ZNF441: variants seen among roughly 807,000 people sequenced by gnomAD.
The protein encoded by ZNF441 is zinc finger protein 441.
ZNF441 carries 25 observed loss-of-function variants against 64.5 expected under a neutral mutation model. That is an observed-to-expected ratio of 0.39 (90% confidence interval 0.28 to 0.54). The LOEUF (loss-of-function observed/expected upper bound fraction) is 0.54, where lower values mean the gene tolerates loss of function less well. Ranked by LOEUF, ZNF441 falls within the 20% of genes least tolerant of loss-of-function variation. ZNF441 has a pLI of 0.70. For missense variants in ZNF441, 715 were observed against 843.3 expected, an observed-to-expected ratio of 0.85 and a Z score of 1.88; for synonymous variants, 262 against 268.0, an observed-to-expected ratio of 0.98 and a Z score of 0.22.
intron 1 of ZNF441, among the ~76,000 whole-genome samples, chr19:11,774,437 T>A (rs1975339070): frequency 6.6e-6 from 1 of 152,218 alleles, no homozygotes; most frequent in Admixed American, 6.5e-5. Flanking sequence ...GTTGTATCAA[T>A]CATACATTCT....
Position 11,781,121 on chromosome 19 carries a change from T to A in ZNF441, c.1297T>A (p.Tyr433Asn). 1 of 1,613,994 alleles carries A rather than the reference T, an allele frequency of 6.2e-7. No individual in the cohort carries two copies. The highest frequency in any genetic ancestry group is 1.3e-5 in the African/African-American group (1 of 75,024). Residue 433 changes from tyrosine (Y) to asparagine (N), a missense_variant, in exon 4 of 4, where the codon TAC becomes AAC. Transcript: ENST00000357901. ...QCGKAFICCT[Y>N]LQIHERIHTG... ...TGGAAAAGCCTTCATTTGTTGCACT[T>A]ACCTTCAAATACATGAAAGAATTCA... is the stretch of plus-strand genomic sequence containing the variant.
At position 11,781,678 on chromosome 19, in the gene ZNF441, G is replaced by A; in HGVS notation, c.1854G>A (p.Lys618=). Residue 618 remains lysine, a synonymous_variant, in exon 4 of 4, where the codon AAG becomes AAA. Transcript: ENST00000357901. ...CTGGAGAGAAACCCTATGAATGCAA[G>A]GAATGTGGTAAAGCCTTCAGTCATT... is the stretch of plus-strand genomic sequence containing the variant. ...THTGEKPYEC[K]ECGKAFSHSS... is the part of the protein sequence containing the mutation. 1 of 1,614,096 alleles carries A rather than the reference G, an allele frequency of 6.2e-7. No individual in the cohort carries two copies. Among genetic ancestry groups the A allele is most frequent in the Non-Finnish European group, 8.5e-7 (1 of 1,179,982 alleles).
At chr19:11,770,848 C>T (rs904160259) in intron 1 of ZNF441, among the ~76,000 whole-genome samples, 5 of 151,394 alleles carry the variant, frequency 3.3e-5, no homozygotes, top group Admixed American at 2.0e-4. Flanking sequence ...CTTGGCCTCC[C>T]AAAGTGCTGG....
chr19:11,769,591 A>T (rs1452832056), intron 1 of ZNF441, among the ~76,000 whole-genome samples: 1 of 152,180 alleles, frequency 6.6e-6, no homozygotes, highest in African/African-American at 2.4e-5. Flanking sequence ...TGCCTTACAC[A>T]ACAGATATTC....
At chr19:11,778,776 C>G (rs1975373781) in intron 3 of ZNF441, among the ~76,000 whole-genome samples, 1 of 152,082 alleles carries the variant, frequency 6.6e-6, no homozygotes, top group Admixed American at 6.5e-5. Context: ...TAAAAAGAAG[C>G]AAGGAAAATT....
At chr19:11,770,171 C>T (rs1023641626) in intron 1 of ZNF441, among the ~76,000 whole-genome samples, 8 of 152,080 alleles carry the variant, frequency 5.3e-5, no homozygotes, top group Non-Finnish European at 1.0e-4. Context: ...AGGAAACTTA[C>T]AATTGTGGCG....
rs1189768904 is a variant in ZNF441 at position 11,780,896 on chromosome 19, C to T, written c.1072C>T (p.His358Tyr). 1 of 1,614,034 alleles carries T rather than the reference C, an allele frequency of 6.2e-7. No individual in the cohort carries two copies. The highest frequency in any genetic ancestry group is 1.3e-5 in the African/African-American group (1 of 74,906). The change falls in exon 4 of 4, where the codon CAC (histidine) becomes TAC (tyrosine). Residue 358 changes from histidine (H) to tyrosine (Y), a missense_variant. His to Tyr is a moderately conservative substitution (Grantham distance 83, BLOSUM62 2). Transcript: ENST00000357901. ...AGGTTTTCGAAGACACATGATAACG[C>T]ACACTGGAGATGGACCTCATAAATG... ...CTGFRRHMIT[H>Y]TGDGPHKCKV...
At chr19:11,778,453 T>C (rs1166485577) in intron 3 of ZNF441, 60 bp downstream of exon 3, 7 of 1,286,058 alleles carry the variant, frequency 5.4e-6, no homozygotes, top group South Asian at 1.4e-5. Flanking sequence ...ATGCCAGAAA[T>C]TTTATTTTAT....
intron 1 of ZNF441, among the ~76,000 whole-genome samples, chr19:11,770,955 T>C (rs1211635403): frequency 6.7e-6 from 1 of 149,048 alleles, no homozygotes; most frequent in Non-Finnish European, 1.5e-5. Flanking sequence ...AAAAATTGAA[T>C]GCAATCTCTA....
intron 1 of ZNF441, among the ~76,000 whole-genome samples, chr19:11,777,211 T>G (rs1367594852): frequency 6.6e-6 from 1 of 151,884 alleles, no homozygotes; most frequent in Non-Finnish European, 1.5e-5. Context: ...TTTACACTTC[T>G]GGAGGGTGGG....
In ZNF441 at chr19:11,781,841, T is replaced by G. The variant is rs1975407078; in HGVS notation, c.2017T>G (p.Cys673Gly). Residue 673 changes from cysteine (C) to glycine (G), a missense_variant, in exon 4 of 4, where the codon TGT (cysteine) becomes GGT (glycine). By Grantham distance (159) the Cys-to-Gly change is radical. This residue lies in a region of ZNF441 where 316 missense variants were observed against 429.3 expected (regional missense o/e 0.74). Coordinates refer to ENST00000357901, the MANE Select transcript of ZNF441 (RefSeq NM_152355.3). ...RTHSMEKPYK[C>G]KECGEAFHCI... ...CCACAGTATGGAGAAACCCTATAAG[T>G]GTAAAGAATGTGGGGAAGCATTTCA... is the stretch of plus-strand genomic sequence containing the variant. 6.2e-7 allele frequency: 1 copy of G among 1,610,864 alleles called. No individual in the cohort carries two copies. The highest frequency in any genetic ancestry group is 1.7e-5 in the Admixed American group (1 of 59,468).
At position 11,780,087 on chromosome 19, in the gene ZNF441, C is replaced by A; in HGVS notation, c.263C>A (p.Thr88Asn). ...NSQCGGPFTQ[T>N]QDSIVNEKIP... ...CAATGTGGAGGACCCTTTACCCAGA[C>A]TCAAGACAGTATTGTGAACGAGAAA... Residue 88 changes from threonine (T) to asparagine (N), a missense_variant, in exon 4 of 4, where the codon ACT (threonine) becomes AAT (asparagine). Physicochemically the swap from Thr to Asn is moderately conservative, Grantham distance 65 (BLOSUM62 0). Transcript: ENST00000357901. 9 of 1,614,150 alleles carry A rather than the reference C, an allele frequency of 5.6e-6. No homozygotes were observed. Among genetic ancestry groups the A allele is most frequent in the Non-Finnish European group, 7.6e-6 (9 of 1,180,020 alleles).
chr19:11,781,807 T>C lies in ZNF441; in HGVS notation c.1983T>C (p.His661=), dbSNP rs376601123. The C allele has an allele frequency of 4.3e-6, 7 of 1,613,930 alleles. No homozygotes were observed. In the East Asian group the frequency reaches 1.1e-4, roughly 26 times the overall value. The change falls in exon 4 of 4, where the codon CAT becomes CAC. Residue 661 remains histidine, a synonymous_variant. Transcript: ENST00000357901. ...ATTGTCCCAGTGCCTTTCATAAACA[T>C]GAAAGGACCCACAGTATGGAGAAAC... ...PFHCPSAFHK[H]ERTHSMEKPY...
Position 11,780,056 on chromosome 19 carries a change from A to T in ZNF441, c.232A>T (p.Asn78Tyr). The change falls in exon 4 of 4, where the codon AAT becomes TAT. Residue 78 changes from asparagine (N) to tyrosine (Y), a missense_variant. This residue lies in a region of ZNF441 where 399 missense variants were observed against 413.9 expected (regional missense o/e 0.96). Coordinates refer to ENST00000357901, the MANE Select transcript of ZNF441 (RefSeq NM_152355.3). Reference protein sequence around the residue: ...MVERACEIKDNSQCGGPFTQT... With the variant: ...MVERACEIKDYSQCGGPFTQT... ...AGAGAGAGCCTGTGAAATTAAAGAT[A>T]ATAGTCAATGTGGAGGACCCTTTAC... is the stretch of plus-strand genomic sequence containing the variant. 3 of 1,613,700 alleles carry T rather than the reference A, an allele frequency of 1.9e-6. No homozygotes were observed. Among genetic ancestry groups the T allele is most frequent in the Non-Finnish European group, 2.5e-6 (3 of 1,179,610 alleles).
chr19:11,780,487 GA>G lies in ZNF441; in HGVS notation c.666del (p.Lys222AsnfsTer19). 6.2e-7 allele frequency: 1 copy of G among 1,614,136 alleles called. No individual in the cohort carries two copies. The highest frequency in any genetic ancestry group is 2.2e-5 in the East Asian group (1 of 44,884). On this transcript the variant is annotated frameshift_variant, in exon 4 of 4. Transcript: ENST00000357901. LOFTEE classifies it high-confidence loss of function. ...TGCTTAGAAGAACTCACACTGAAGA[GA>G]AACCATATGAATATGAGCAGTGTTC... ...HMLRRTHTEEKPYEYEQCSTA... is the reference protein window; with the variant it reads ...HMLRRTHTEEXPYEYEQCSTA...
chr19:11,772,815 C>A (rs571383815), intron 1 of ZNF441, among the ~76,000 whole-genome samples: 1 of 152,216 alleles, frequency 6.6e-6, no homozygotes, highest in South Asian at 2.1e-4. Flanking sequence ...ATCACTTGAT[C>A]CCAGGAAGTA....
intron 1 of ZNF441, among the ~76,000 whole-genome samples, chr19:11,777,094 G>T (rs1220670019): frequency 6.6e-6 from 1 of 152,170 alleles, no homozygotes; most frequent in African/African-American, 2.4e-5. Flanking sequence ...ACAGGTGTGT[G>T]CCACTGTGCC....
intron 1 of ZNF441, among the ~76,000 whole-genome samples, chr19:11,775,626 G>T (rs1312990553): frequency 8.7e-6 from 1 of 115,438 alleles, no homozygotes; most frequent in Non-Finnish European, 1.7e-5. Flanking sequence ...ACCGCGCCCA[G>T]CCTTTTTTTT....
intron 1 of ZNF441, among the ~76,000 whole-genome samples, chr19:11,769,756 A>G (rs1433461442): frequency 6.6e-6 from 1 of 151,410 alleles, no homozygotes; most frequent in African/African-American, 2.4e-5. Context: ...GCTCACTGCA[A>G]CCTCCGCCTC....
Sources: gnomAD v4.1 joint callset for allele counts (sites outside exome capture counted in the v4.1 genomes callset) on GRCh38, gnomAD v4.1.1 for gene constraint, gnomAD v4.1.1 regional missense constraint, MANE v1.5 for transcripts, NCBI Gene and HGNC (gene_info 2026-07-23, HGNC 2026-07-21) for gene names.